Variants in DNAH10 observed in about 807,000 individuals in gnomAD.
DNAH10 encodes the protein dynein axonemal heavy chain 10, also known as axonemal beta dynein heavy chain 10.
Under a neutral mutation model 506.6 loss-of-function variants are expected in DNAH10, and 348 were observed. The observed-to-expected ratio is 0.69, with a 90% CI of 0.63 to 0.75. The LOEUF (loss-of-function observed/expected upper bound fraction) is 0.75, where lower values mean the gene tolerates loss of function less well. DNAH10 is among the 30% of genes least tolerant of loss of function. The probability of loss-of-function intolerance (pLI) is 0.00; values close to 1 mark genes in which losing one functional copy is unlikely to be tolerated. For synonymous variants in DNAH10, 2,059 were observed against 2,198.6 expected, an observed-to-expected ratio of 0.94 and a Z score of 1.78; for missense variants, 5,179 against 5,787.1, an observed-to-expected ratio of 0.89 and a Z score of 3.41.
Position 123,898,142 on chromosome 12 carries a change from T to G in DNAH10, c.9478+175T>G, listed in dbSNP as rs576479141. On this transcript the variant is annotated intron_variant, in intron 55 of 78. Transcript: ENST00000673944. The stretch of plus-strand genomic sequence containing the variant: ...TTCATGTGGGCAGGACCCTGGCATG[T>G]CCTTATTTTTGTTCTCAGTGTTGAG... Among the ~76,000 whole-genome samples the G allele has an allele frequency of 7.9e-5, 12 of 152,332 alleles. No homozygotes were observed. In the South Asian group the frequency reaches 2.5e-3, roughly 32 times the overall value.
intron 15 of DNAH10, among the ~76,000 whole-genome samples, chr12:123,800,930 T>C (rs900916873): frequency 6.6e-6 from 1 of 151,980 alleles, no homozygotes; most frequent in African/African-American, 2.4e-5. Context: ...GGCAGGAGAA[T>C]TGCCTGAACC....
At chr12:123,869,311 C>A (rs1408988628) in intron 43 of DNAH10, among the ~76,000 whole-genome samples, 1 of 152,184 alleles carries the variant, frequency 6.6e-6, no homozygotes, top group Non-Finnish European at 1.5e-5. Flanking sequence ...GCCTTCACTT[C>A]AGCCACTCTT....
intron 38 of DNAH10, among the ~76,000 whole-genome samples, chr12:123,859,510 G>A (rs1325651550): frequency 6.6e-6 from 1 of 152,200 alleles, no homozygotes; most frequent in African/African-American, 2.4e-5. Context: ...TTTGTGAAAT[G>A]AGAATTTCAC....
rs767786362 is a variant in DNAH10 at position 123,933,467 on chromosome 12, C to G, written c.13433C>G (p.Thr4478Ser). ...CGCTCCACCTTGTTCACACAAGTGA[C>G]CAAGTTCCAGGATGCAGATGAAGTG... ...LDRSTLFTQV[T>S]KFQDADEVNE... Residue 4478 changes from threonine (T) to serine (S), a missense_variant, in exon 77 of 79, where the codon ACC becomes AGC. Physicochemically the swap from Thr to Ser is moderately conservative, Grantham distance 58. Around this residue, in one of 3 missense-constraint regions of DNAH10, gnomAD observed 4,844 missense variants for 5,430.5 expected, o/e 0.89. Transcript: ENST00000673944. The G allele has an allele frequency of 2.5e-6, 4 of 1,611,932 alleles. No individual in the cohort carries two copies. The highest frequency in any genetic ancestry group is 3.4e-6 in the Non-Finnish European group (4 of 1,179,224).
rs779209122 is a variant in DNAH10 at position 123,894,668 on chromosome 12, C to T, written c.9225C>T (p.Asp3075=). 1.2e-6 allele frequency: 2 copies of T among 1,614,020 alleles called. No homozygotes were observed. The highest frequency in any genetic ancestry group is 3.3e-5 in the Admixed American group (2 of 60,026). The part of the protein sequence containing the change: ...FPGMVNNTGI[D]WFMPWPPQAL... The stretch of plus-strand genomic sequence containing the variant: ...GTATGGTAAATAACACTGGTATTGA[C>T]TGGTTCATGCCCTGGCCTCCCCAAG... The change falls in exon 54 of 79, where the codon GAC becomes GAT. Residue 3075 remains aspartate (D), a synonymous_variant. Coordinates refer to ENST00000673944, the MANE Select transcript of DNAH10 (RefSeq NM_001372106.1).
At chr12:123,886,218 G>A (rs1011715887) in intron 51 of DNAH10, among the ~76,000 whole-genome samples, 3 of 152,054 alleles carry the variant, frequency 2.0e-5, no homozygotes, top group Non-Finnish European at 2.9e-5. Context: ...CTAAAGTAGC[G>A]CCTCGAGGAA....
chr12:123,913,338 C>A lies in DNAH10; in HGVS notation c.10352+23C>A. 2 of 1,548,438 alleles carry A rather than the reference C, an allele frequency of 1.3e-6. No homozygotes were observed. Among genetic ancestry groups the A allele is most frequent in the Non-Finnish European group, 8.7e-7 (1 of 1,145,704 alleles). ...CAGGTTAGCGCTGCTCACGAGCCCA[C>A]CTGTTGCGGTTTGTAAACGGACGTC... On this transcript the variant is annotated intron_variant, in intron 60 of 78. Transcript: ENST00000673944. This position sits in a 1 kb window ranked among gnomAD's most constrained non-coding sequence, Gnocchi z 5.1.
At chr12:123,810,010 G>A (rs1444824406) in intron 19 of DNAH10, among the ~76,000 whole-genome samples, 4 of 152,056 alleles carry the variant, frequency 2.6e-5, no homozygotes, top group South Asian at 2.1e-4. Flanking sequence ...ACCACTCTCC[G>A]ACCTTTTCTT....
intron 36 of DNAH10, among the ~76,000 whole-genome samples, chr12:123,855,689 G>C (rs1951360178): frequency 6.7e-6 from 1 of 148,994 alleles, no homozygotes; most frequent in Non-Finnish European, 1.5e-5. Context: ...CGCACCTAAA[G>C]GTCAAAGTAA....
chr12:123,916,851 C>A lies in DNAH10; in HGVS notation c.11002+115C>A. ...ACTCAGTGACCCCAGATCATTCTCT[C>A]ATAGGCACATCTGGACTAGTCAGCT... is the stretch of plus-strand genomic sequence containing the variant. On this transcript the variant is annotated intron_variant, in intron 63 of 78. Coordinates refer to ENST00000673944, the MANE Select transcript of DNAH10 (RefSeq NM_001372106.1). The surrounding 1 kb of genome is among the most constrained non-coding windows in gnomAD (Gnocchi z 4.6). 1 of 1,296,084 alleles carries A rather than the reference C, an allele frequency of 7.7e-7. No homozygotes were observed. Among genetic ancestry groups the A allele is most frequent in the South Asian group, 1.5e-5 (1 of 65,774 alleles). The allele number at this position is 1,296,084 out of a possible 1,614,324, so 80.3% of individuals were successfully genotyped here.
At chr12:123,843,957 A>G (rs550424147) in intron 30 of DNAH10, among the ~76,000 whole-genome samples, 34 of 152,358 alleles carry the variant, frequency 2.2e-4, no homozygotes, top group Non-Finnish European at 3.8e-4. Flanking sequence ...TCACTTTTCC[A>G]GTATTGGCAT....
rs1214217837 is a variant in DNAH10, at chr12:123,814,609, A to ATTTTTTTTT, written c.3780+712_3780+720dup. ...TTGTATTTCTCCCTTGGCCAGGTAG[A>ATTTTTTTTT]TTTTTTTTTTTTTTTTTTTTTTTGA... On this transcript the variant is annotated intron_variant, in intron 21 of 78. Transcript: ENST00000673944. Among the ~76,000 whole-genome samples the ATTTTTTTTT allele has an allele frequency of 2.6e-3, 311 of 121,178 alleles. 9 individuals are homozygous for ATTTTTTTTT. Among genetic ancestry groups the ATTTTTTTTT allele is most frequent in the African/African-American group, 9.7e-3 (288 of 29,760 alleles). 79.5% of individuals were successfully genotyped at this position (121,178 alleles called of 152,430 possible).
In DNAH10 at chr12:123,771,471, G is replaced by A. The variant is rs968946804; in HGVS notation, c.299-130G>A. The A allele has an allele frequency of 3.5e-5, 26 of 735,010 alleles. No homozygotes were observed. The Admixed American group carries it at 5.4e-4, about 15-fold the overall frequency. The allele number at this position is 735,010 out of a possible 1,614,324, so 45.5% of individuals were successfully genotyped here. A position where few individuals can be genotyped will look rare whatever the true frequency, so the allele number is the denominator to read the frequency against. ...CACAATTTGATTGATTGGAACAGAA[G>A]GTATGCACAGCTATTTGATAACTCG... is the stretch of plus-strand genomic sequence containing the variant. On this transcript the variant is annotated intron_variant, in intron 2 of 78. Transcript: ENST00000673944.
chr12:123,820,963 A>T (rs1391102211), intron 24 of DNAH10, among the ~76,000 whole-genome samples: 1 of 152,138 alleles, frequency 6.6e-6, no homozygotes, highest in Non-Finnish European at 1.5e-5. Context: ...AAAGTTCTGG[A>T]AATAGGCTGG....
At chr12:123,768,546 G>A (rs1313057465) in intron 2 of DNAH10, among the ~76,000 whole-genome samples, 1 of 152,194 alleles carries the variant, frequency 6.6e-6, no homozygotes, top group Non-Finnish European at 1.5e-5. Flanking sequence ...TTCCAAATGA[G>A]GTCACAGCTT....
rs202205338 is a variant in DNAH10 at position 123,800,296 on chromosome 12, G to C, written c.2370G>C (p.Glu790Asp). Residue 790 changes from glutamate (E) to aspartate (D), a missense_variant, in exon 15 of 79, where the codon GAG (glutamate) becomes GAC (aspartate). By Grantham distance (45) the Glu-to-Asp change is conservative. Around this residue, in one of 3 missense-constraint regions of DNAH10, gnomAD observed 4,844 missense variants for 5,430.5 expected, o/e 0.89. Transcript: ENST00000673944. The stretch of plus-strand genomic sequence containing the variant: ...TCAACTTTTCACCGGCTCTCAGAGA[G>C]ATTATTAATGAAACAAAGTACTTAG... ...FAINFSPALR[E>D]IINETKYLEQ... 1.9e-6 allele frequency: 3 copies of C among 1,614,138 alleles called. No individual in the cohort carries two copies. The highest frequency in any genetic ancestry group is 2.5e-6 in the Non-Finnish European group (3 of 1,180,016).
intron 24 of DNAH10, among the ~76,000 whole-genome samples, chr12:123,823,629 C>G (rs1959657648): frequency 6.6e-6 from 1 of 152,140 alleles, no homozygotes; most frequent in Admixed American, 6.5e-5. Context: ...TTTAATTTTT[C>G]TGGGTTCATA....
chr12:123,770,227 GAC>G, intron 2 of DNAH10, among the ~76,000 whole-genome samples: 1 of 151,822 alleles, frequency 6.6e-6, no homozygotes, highest in Non-Finnish European at 1.5e-5. Context: ...CAGCCTGGGT[GAC>G]ACAGTGAGAT....
rs1225981267 is a variant in DNAH10, at chr12:123,785,562, C to T, written c.1231-184C>T. ...GAGGTGGGAGGATCACTTGAGTCCG[C>T]AGGGGAGTCGAGGCTGCAGTAAGCC... On this transcript the variant is annotated intron_variant, in intron 8 of 78. Transcript: ENST00000673944. The surrounding 1 kb of genome is among the most constrained non-coding windows in gnomAD (Gnocchi z 4.1). 4.0e-5 allele frequency among the ~76,000 whole-genome samples: 6 copies of T among 150,478 alleles called. No homozygotes were observed. Among genetic ancestry groups the T allele is most frequent in the Admixed American group, 3.3e-4 (5 of 14,986 alleles).
Sources: gnomAD v4.1 joint callset for allele counts (sites outside exome capture counted in the v4.1 genomes callset) on GRCh38, gnomAD v4.1.1 for gene constraint, gnomAD v4.1.1 regional missense constraint, Gnocchi (gnomAD v3.1) non-coding constraint, MANE v1.5 for transcripts, NCBI Gene and HGNC (gene_info 2026-07-23, HGNC 2026-07-21) for gene names.